EFEMP1: variants seen among roughly 807,000 people sequenced by gnomAD.
EFEMP1 encodes the protein EGF-containing fibulin-like extracellular matrix protein 1.
A neutral mutation model predicts 65.7 loss-of-function variants in EFEMP1; 18 were observed. The observed-to-expected ratio is 0.27, with a 90% CI of 0.19 to 0.41. EFEMP1 has a LOEUF of 0.41. Ranked by LOEUF, EFEMP1 falls within the 10% of genes least tolerant of loss-of-function variation. The probability of loss-of-function intolerance (pLI) is 1.00; values close to 1 mark genes in which losing one functional copy is unlikely to be tolerated. For synonymous variants in EFEMP1, 237 were observed against 219.7 expected (o/e 1.08, Z -0.70); for missense variants, 469 against 624.8 (o/e 0.75, Z 2.66).
intron 5 of EFEMP1, among the ~76,000 whole-genome samples, chr2:55,899,825 A>G (rs1669964929): frequency 6.6e-6 from 1 of 152,208 alleles, no homozygotes; most frequent in Non-Finnish European, 1.5e-5. Flanking sequence ...CTGAAGGATT[A>G]AATGCAATGC....
At chr2:55,901,648 T>G (rs1265288689) in intron 5 of EFEMP1, among the ~76,000 whole-genome samples, 1 of 152,164 alleles carries the variant, frequency 6.6e-6, no homozygotes. Flanking sequence ...TAGGTTTAAC[T>G]CTAAATGGTT....
At position 55,867,574 on chromosome 2, in the gene EFEMP1, C is replaced by T. The variant is rs2104361686; in HGVS notation, c.1321-340G>A. Among the ~76,000 whole-genome samples the T allele has an allele frequency of 6.6e-6, 1 of 151,996 alleles. No homozygotes were observed. The highest frequency in any genetic ancestry group is 1.9e-4 in the East Asian group (1 of 5,134). The stretch of plus-strand genomic sequence containing the variant: ...AAGTGAGAATCTGATAATTTCTAAA[C>T]TTGTAAACAAAGTTGTCACTTTTCA... On this transcript the variant is annotated intron_variant, in intron 11 of 11. Transcript: ENST00000355426. This position sits in a 1 kb window ranked among gnomAD's most constrained non-coding sequence, Gnocchi z 4.3.
chr2:55,910,822 G>C (rs1009726935), intron 5 of EFEMP1, among the ~76,000 whole-genome samples: 1 of 152,138 alleles, frequency 6.6e-6, no homozygotes, highest in Non-Finnish European at 1.5e-5. Context: ...GAAAGAGATG[G>C]TTAGCTGTGC....
At position 55,870,643 on chromosome 2, in the gene EFEMP1, CACAACAACAACAACA is replaced by C. The variant is rs202135588; in HGVS notation, c.1320+62_1320+76del. 4.5e-6 allele frequency: 7 copies of C among 1,548,086 alleles called. No homozygotes were observed. The African/African-American group carries it at 9.6e-5, about 21-fold the overall frequency. On this transcript the variant is annotated intron_variant, in intron 11 of 11. Coordinates refer to ENST00000355426, the MANE Select transcript of EFEMP1 (RefSeq NM_001039348.3). This position sits in a 1 kb window ranked among gnomAD's most constrained non-coding sequence, Gnocchi z 5.8. ...GCTTTCCTTCCACATGTGGATACCA[CACAACAACAACAACA>C]ACAACAACAACAACAAACTCCCATC...
chr2:55,872,517 C>A lies in EFEMP1; in HGVS notation c.1001-1394G>T, dbSNP rs115462037. 6.0e-3 allele frequency among the ~76,000 whole-genome samples: 915 copies of A among 152,248 alleles called. 9 individuals carry two copies. Among genetic ancestry groups the A allele is most frequent in the African/African-American group, 0.021 (855 of 41,564 alleles). ...AAATTGAACTAAGTTGCTCTTCACA[C>A]AAACTGTGTGGAGGTAGGTGAGAAA... On this transcript the variant is annotated intron_variant, in intron 9 of 11. Transcript: ENST00000355426.
intron 11 of EFEMP1, among the ~76,000 whole-genome samples, chr2:55,868,332 G>A (rs1225732003): frequency 6.6e-6 from 1 of 152,146 alleles, no homozygotes; most frequent in East Asian, 1.9e-4. Context: ...ACCGACAGGT[G>A]TAGTCTCTGC....
In EFEMP1 at chr2:55,886,376, C is replaced by G. The variant is rs1308753307; in HGVS notation, c.518-4642G>C. The stretch of plus-strand genomic sequence containing the variant: ...TACTAGTTCTGTGTGGGGCACTGTG[C>G]ATGCTTTGCAAATATTATTTAATGG... On this transcript the variant is annotated intron_variant, in intron 5 of 11. Transcript: ENST00000355426. This position sits in a 1 kb window ranked among gnomAD's most constrained non-coding sequence, Gnocchi z 4.0. Among the ~76,000 whole-genome samples, 6 of 152,162 alleles carry G rather than the reference C, an allele frequency of 3.9e-5. No individual in the cohort carries two copies. The highest frequency in any genetic ancestry group is 1.4e-4 in the African/African-American group (6 of 41,446).
At chr2:55,874,048 A>G (rs1028661905) in intron 9 of EFEMP1, among the ~76,000 whole-genome samples, 1 of 150,244 alleles carries the variant, frequency 6.7e-6, no homozygotes, top group Non-Finnish European at 1.5e-5. Context: ...TTATTCCACT[A>G]AATTCCCACA....
At chr2:55,913,484 G>C (rs548759488) in intron 5 of EFEMP1, among the ~76,000 whole-genome samples, 6 of 152,050 alleles carry the variant, frequency 3.9e-5, no homozygotes, top group Non-Finnish European at 5.9e-5. Context: ...TTTATTAGTG[G>C]CTTAATTACC....
rs1402390599 is a variant in EFEMP1 at position 55,917,050 on chromosome 2, G to T, written c.517+615C>A. ...GTGAGTGGGGGAGAATCCCTCCAAG[G>T]TAATGAGAAGCAGGAGCCCCATTTC... On this transcript the variant is annotated intron_variant, in intron 5 of 11. Transcript: ENST00000355426. This position sits in a 1 kb window ranked among gnomAD's most constrained non-coding sequence, Gnocchi z 6.3. Among the ~76,000 whole-genome samples the T allele has an allele frequency of 6.6e-6, 1 of 152,180 alleles. No individual in the cohort carries two copies. Among genetic ancestry groups the T allele is most frequent in the Non-Finnish European group, 1.5e-5 (1 of 68,020 alleles).
intron 5 of EFEMP1, among the ~76,000 whole-genome samples, chr2:55,900,531 A>T (rs1669992486): frequency 6.6e-6 from 1 of 152,228 alleles, no homozygotes; most frequent in Non-Finnish European, 1.5e-5. Context: ...TGTGCTCCAT[A>T]CAGAGCTGTA....
chr2:55,909,049 G>A (rs577984645), intron 5 of EFEMP1, among the ~76,000 whole-genome samples: 1 of 152,212 alleles, frequency 6.6e-6, no homozygotes, highest in East Asian at 1.9e-4. Flanking sequence ...ACGGGGACAA[G>A]GTATCTGAGA....
chr2:55,906,097 A>G (rs1365894653), intron 5 of EFEMP1, among the ~76,000 whole-genome samples: 1 of 152,166 alleles, frequency 6.6e-6, no homozygotes, highest in African/African-American at 2.4e-5. Context: ...CTTAAATTGC[A>G]CGACAATTAA....
chr2:55,905,958 A>G (rs1274315558), intron 5 of EFEMP1, among the ~76,000 whole-genome samples: 1 of 152,238 alleles, frequency 6.6e-6, no homozygotes, highest in East Asian at 1.9e-4. Flanking sequence ...GCTTAAACTG[A>G]AAAATCAATG....
In EFEMP1 at chr2:55,886,343, C is replaced by T. The variant is rs896933134; in HGVS notation, c.518-4609G>A. The stretch of plus-strand genomic sequence containing the variant: ...CTGTAAACCCCTGGAGTAAAATAAC[C>T]GTATCTTTACTAGTTCTGTGTGGGG... On this transcript the variant is annotated intron_variant, in intron 5 of 11. Transcript: ENST00000355426. This position sits in a 1 kb window ranked among gnomAD's most constrained non-coding sequence, Gnocchi z 4.0. Among the ~76,000 whole-genome samples, 63 of 152,166 alleles carry T rather than the reference C, an allele frequency of 4.1e-4. No homozygotes were observed. Among genetic ancestry groups the T allele is most frequent in the African/African-American group, 1.3e-3 (56 of 41,534 alleles).
chr2:55,871,143 A>G lies in EFEMP1; in HGVS notation c.1001-20T>C. ...TTATATCTGTAGAGATGTAGGGTCA[A>G]AGAGTTTACTAACTAAACTAATGAA... On this transcript the variant is annotated intron_variant, in intron 9 of 11. Transcript: ENST00000355426. The surrounding 1 kb of genome is among the most constrained non-coding windows in gnomAD (Gnocchi z 4.2). The G allele has an allele frequency of 6.2e-7, 1 of 1,613,202 alleles. No homozygotes were observed. The highest frequency in any genetic ancestry group is 8.5e-7 in the Non-Finnish European group (1 of 1,179,474).
chr2:55,913,222 C>T (rs373049827), intron 5 of EFEMP1, among the ~76,000 whole-genome samples: 16 of 152,276 alleles, frequency 1.1e-4, no homozygotes, highest in Middle Eastern at 3.4e-3. Flanking sequence ...TCCTATTTGC[C>T]TGGGACAAAG....
At position 55,917,315 on chromosome 2, in the gene EFEMP1, G is replaced by GA. The variant is rs1162711089; in HGVS notation, c.517+349dup. ...CAAACTTGGCCGCACATGAGGAACT[G>GA]AAAAAAAAGCCGATGCCTGGAACCC... On this transcript the variant is annotated intron_variant, in intron 5 of 11. Coordinates refer to ENST00000355426, the MANE Select transcript of EFEMP1 (RefSeq NM_001039348.3). This position sits in a 1 kb window ranked among gnomAD's most constrained non-coding sequence, Gnocchi z 6.3. Among the ~76,000 whole-genome samples the GA allele has an allele frequency of 4.0e-5, 6 of 151,884 alleles. No homozygotes were observed. The highest frequency in any genetic ancestry group is 1.4e-4 in the African/African-American group (6 of 41,424).
In EFEMP1 at chr2:55,873,616, T is replaced by C. The variant is rs1364655459; in HGVS notation, c.1000+1330A>G. 2.0e-5 allele frequency among the ~76,000 whole-genome samples: 3 copies of C among 152,160 alleles called. No individual in the cohort carries two copies. Among genetic ancestry groups the C allele is most frequent in the Non-Finnish European group, 2.9e-5 (2 of 67,920 alleles). On this transcript the variant is annotated intron_variant, in intron 9 of 11. Coordinates refer to ENST00000355426, the MANE Select transcript of EFEMP1 (RefSeq NM_001039348.3). This position sits in a 1 kb window ranked among gnomAD's most constrained non-coding sequence, Gnocchi z 4.6. ...AAAGTCTCAATTAGGGTTCAGTAAG[T>C]AAAATCATTGGAATGCAATGTTTTC...
Sources: gnomAD v4.1 joint callset for allele counts (sites outside exome capture counted in the v4.1 genomes callset) on GRCh38, gnomAD v4.1.1 for gene constraint, Gnocchi (gnomAD v3.1) non-coding constraint, MANE v1.5 for transcripts, NCBI Gene and HGNC (gene_info 2026-07-23, HGNC 2026-07-21) for gene names.